Variants in CLIC5 observed in about 807,000 individuals in gnomAD.
CLIC5 encodes the protein chloride intracellular channel protein 5.
CLIC5 carries 20 observed loss-of-function variants against 24.7 expected under a neutral mutation model. The observed-to-expected ratio is 0.81, with a 90% confidence interval of 0.57 to 1.18. CLIC5 has a LOEUF of 1.18. Ranked by LOEUF, CLIC5 falls within the 50% of genes most tolerant of loss-of-function variation. CLIC5 has a pLI of 0.00. For synonymous variants in CLIC5, 159 were observed against 135.6 expected, an observed-to-expected ratio of 1.17 and a Z score of -1.20; for missense variants, 341 against 326.1, an observed-to-expected ratio of 1.05 and a Z score of -0.35.
chr6:46,099,465 G>A, the CLIC5 span, among the ~76,000 whole-genome samples: 1 of 152,152 alleles, frequency 6.6e-6, no homozygotes, highest in Non-Finnish European at 1.5e-5. Flanking sequence ...CTTCCCTGAT[G>A]TATTTGTACT....
At chr6:45,955,899 C>T (rs1764626056) in intron 1 of CLIC5, among the ~76,000 whole-genome samples, 2 of 152,124 alleles carry the variant, frequency 1.3e-5, no homozygotes, top group Admixed American at 1.3e-4. Context: ...ATTTGTTACA[C>T]TTTTACTCAA....
chr6:45,937,842 G>C (rs1763994045), intron 4 of CLIC5, among the ~76,000 whole-genome samples: 1 of 152,222 alleles, frequency 6.6e-6, no homozygotes, highest in African/African-American at 2.4e-5. Context: ...GGGAACAACA[G>C]GGAAATTTTA....
chr6:46,101,016 T>C, the CLIC5 span, among the ~76,000 whole-genome samples: 1 of 152,114 alleles, frequency 6.6e-6, no homozygotes, highest in Non-Finnish European at 1.5e-5. Context: ...CACCATGAAA[T>C]AAAGAATTCC....
At chr6:45,912,366 T>G in intron 5 of CLIC5, 1 of 1,060,552 alleles carries the variant, frequency 9.4e-7, no homozygotes, top group Non-Finnish European at 1.1e-6. Flanking sequence ...AGGACAGGGC[T>G]TCACTGAGTA....
At chr6:45,923,144 G>A (rs78916557) in intron 4 of CLIC5, among the ~76,000 whole-genome samples, 3,274 of 152,308 alleles carry the variant, frequency 0.021, 121 homozygotes, top group African/African-American at 0.075. Context: ...GCTGACGGAA[G>A]CTATTAATGC....
chr6:46,124,249 A>G, the CLIC5 span, among the ~76,000 whole-genome samples: 1 of 152,226 alleles, frequency 6.6e-6, no homozygotes, highest in Admixed American at 6.5e-5. Context: ...AGACCAATGG[A>G]ACAGAACAGA....
chr6:45,997,959 C>T (rs944405181), intron 1 of CLIC5, among the ~76,000 whole-genome samples: 1 of 152,204 alleles, frequency 6.6e-6, no homozygotes, highest in African/African-American at 2.4e-5. Flanking sequence ...GAAAAATTCC[C>T]CAGAGAGGCC....
At chr6:46,089,469 G>T in the CLIC5 span, among the ~76,000 whole-genome samples, 2 of 152,080 alleles carry the variant, frequency 1.3e-5, no homozygotes, top group Non-Finnish European at 2.9e-5. Flanking sequence ...ACGATTTCAG[G>T]AGGGTCCATG....
chr6:45,958,037 G>A (rs1764703481), intron 1 of CLIC5, among the ~76,000 whole-genome samples: 1 of 152,096 alleles, frequency 6.6e-6, no homozygotes, highest in Non-Finnish European at 1.5e-5. Flanking sequence ...CCCCTGGAAT[G>A]TGTGCATGGG....
chr6:46,093,723 GT>G, the CLIC5 span, among the ~76,000 whole-genome samples: 1 of 152,178 alleles, frequency 6.6e-6, no homozygotes, highest in East Asian at 1.9e-4. Context: ...AGCAGATTTT[GT>G]TTTTTTGTAA....
chr6:45,915,260 A>G (rs566462649), intron 4 of CLIC5, among the ~76,000 whole-genome samples: 39 of 152,230 alleles, frequency 2.6e-4, no homozygotes, highest in African/African-American at 9.4e-4. Flanking sequence ...AGTTTTGGTT[A>G]TCTATAATTT....
chr6:46,006,084 GTATAAATACATA>G (rs1766558132), intron 1 of CLIC5, among the ~76,000 whole-genome samples: 2 of 59,768 alleles, frequency 3.3e-5, no homozygotes, highest in Non-Finnish European at 6.2e-5. Context: ...ATATACACAT[GTATAAATACATA>G]TATATATATA....
intron 1 of CLIC5, among the ~76,000 whole-genome samples, chr6:46,034,611 A>C (rs534224958): frequency 3.9e-5 from 6 of 152,292 alleles, no homozygotes; most frequent in Non-Finnish European, 7.4e-5. Flanking sequence ...CTTTAAAAAA[A>C]ATTAAAAAAG....
At chr6:45,988,439 A>G (rs1316035906) in intron 1 of CLIC5, among the ~76,000 whole-genome samples, 1 of 152,120 alleles carries the variant, frequency 6.6e-6, no homozygotes, top group Non-Finnish European at 1.5e-5. Flanking sequence ...ACTAATTCAA[A>G]TGTTAAGCTC....
At chr6:45,981,044 C>T (rs1338832519) in intron 1 of CLIC5, among the ~76,000 whole-genome samples, 1 of 150,234 alleles carries the variant, frequency 6.7e-6, no homozygotes, top group Non-Finnish European at 1.5e-5. Flanking sequence ...GATCTCGGCT[C>T]ACTGCAGCCT....
chr6:46,052,277 T>C (rs1768125174), intron 1 of CLIC5, among the ~76,000 whole-genome samples: 1 of 152,214 alleles, frequency 6.6e-6, no homozygotes, highest in Non-Finnish European at 1.5e-5. Flanking sequence ...ACACTTCACA[T>C]TCACCAGCTC....
chr6:45,911,607 A>G, intron 5 of CLIC5: 1 of 985,354 alleles, frequency 1.0e-6, no homozygotes, highest in Non-Finnish European at 1.2e-6. Flanking sequence ...ACACTGATTC[A>G]TAGAGTAGCC....
At chr6:45,957,020 G>A (rs145909232) in intron 1 of CLIC5, among the ~76,000 whole-genome samples, 1 of 152,276 alleles carries the variant, frequency 6.6e-6, no homozygotes, top group African/African-American at 2.4e-5. Flanking sequence ...CAGGTACCAG[G>A]TTCTCGGTCC....
At chr6:45,998,015 C>A (rs1766213556) in intron 1 of CLIC5, among the ~76,000 whole-genome samples, 1 of 152,128 alleles carries the variant, frequency 6.6e-6, no homozygotes, top group South Asian at 2.1e-4. Context: ...CAGAAACTGC[C>A]CTGAGTGTTT....
Sources: gnomAD v4.1 joint callset for allele counts (sites outside exome capture counted in the v4.1 genomes callset) on GRCh38, gnomAD v4.1.1 for gene constraint, MANE v1.5 for transcripts, NCBI Gene and HGNC (gene_info 2026-07-23, HGNC 2026-07-21) for gene names.